The following LIN7A variants were observed in gnomAD, a reference collection of about 807,000 sequenced individuals.
The protein encoded by LIN7A is protein lin-7 homolog A.
LIN7A carries 25 observed loss-of-function variants against 29.8 expected under a neutral mutation model. That is an observed-to-expected ratio of 0.84 (90% CI 0.61 to 1.17). The LOEUF (loss-of-function observed/expected upper bound fraction) is 1.17, where lower values mean the gene tolerates loss of function less well. LIN7A is among the 50% of genes most tolerant of loss of function. LIN7A has a pLI of 0.00. For synonymous variants in LIN7A, 118 were observed against 107.5 expected, an observed-to-expected ratio of 1.10 and a Z score of -0.60; for missense variants, 239 against 287.0, an observed-to-expected ratio of 0.83 and a Z score of 1.21.
At chr12:80,907,776 GAGT>G (rs897214927) in intron 1 of LIN7A, among the ~76,000 whole-genome samples, 1 of 152,108 alleles carries the variant, frequency 6.6e-6, no homozygotes, top group Non-Finnish European at 1.5e-5. Flanking sequence ...AATGCTTAAA[GAGT>G]AGGAAGAAAT....
chr12:80,905,507 T>C (rs762399060), intron 1 of LIN7A, among the ~76,000 whole-genome samples: 1 of 152,200 alleles, frequency 6.6e-6, no homozygotes, highest in South Asian at 2.1e-4. Context: ...ATAATATATA[T>C]GCTAAAGCTT....
intron 1 of LIN7A, 88 bp downstream of exon 1, chr12:80,937,553 C>A: frequency 1.1e-6 from 1 of 944,958 alleles, no homozygotes; most frequent in Non-Finnish European, 1.5e-6. Flanking sequence ...TGCCTGAGCG[C>A]GTCCCATGTC....
At chr12:80,896,649 T>C (rs544465337) in intron 1 of LIN7A, among the ~76,000 whole-genome samples, 4 of 152,340 alleles carry the variant, frequency 2.6e-5, no homozygotes, top group African/African-American at 9.6e-5. Context: ...TCAAGTTAAA[T>C]GTGTTCAAAT....
chr12:80,890,734 T>C (rs1021488266), intron 1 of LIN7A, among the ~76,000 whole-genome samples: 55 of 152,200 alleles, frequency 3.6e-4, no homozygotes, highest in African/African-American at 1.2e-3. Flanking sequence ...AAACAGGAAG[T>C]CTACATAGTC....
At chr12:80,811,951 A>G (rs1421326502) in intron 4 of LIN7A, among the ~76,000 whole-genome samples, 2 of 152,196 alleles carry the variant, frequency 1.3e-5, no homozygotes, top group Non-Finnish European at 1.5e-5. Flanking sequence ...TAATGCTAAC[A>G]TTAGGAATGA....
chr12:80,799,378 C>T (rs367906104), intron 5 of LIN7A, among the ~76,000 whole-genome samples: 1 of 152,138 alleles, frequency 6.6e-6, no homozygotes, highest in Non-Finnish European at 1.5e-5. Flanking sequence ...AGTGCCTCCT[C>T]GTCCACTAAA....
chr12:80,836,805 C>T (rs368549526), intron 4 of LIN7A, among the ~76,000 whole-genome samples: 8 of 151,994 alleles, frequency 5.3e-5, no homozygotes, highest in Non-Finnish European at 7.4e-5. Flanking sequence ...AGTATTAATT[C>T]GTGTTCTTTG....
At position 80,899,832 on chromosome 12, in the gene LIN7A, G is replaced by A. The variant is rs1415134391; in HGVS notation, c.83-10463C>T. Among the ~76,000 whole-genome samples, 4 of 141,388 alleles carry A rather than the reference G, an allele frequency of 2.8e-5. No homozygotes were observed. In the East Asian group the frequency reaches 6.2e-4, roughly 22 times the overall value. The allele number at this position is 141,388 out of a possible 152,430, so 92.8% of individuals were successfully genotyped here. On this transcript the variant is annotated intron_variant, in intron 1 of 5. Transcript: ENST00000552864. ...TGCCCAGGCTGGAGTGCAGTGGCGC[G>A]ATCTCCACTCACTGCAAGCTCCGCC...
chr12:80,889,123 G>A (rs762585407), intron 2 of LIN7A, 128 bp downstream of exon 2: 3 of 680,856 alleles, frequency 4.4e-6, no homozygotes, highest in Non-Finnish European at 7.9e-6. Flanking sequence ...ATCTGTCCAA[G>A]TAGCTAAAAA....
chr12:80,934,213 C>T (rs557153052), intron 1 of LIN7A, among the ~76,000 whole-genome samples: 15 of 152,134 alleles, frequency 9.9e-5, no homozygotes, highest in African/African-American at 3.6e-4. Context: ...TTCTAATTAC[C>T]ACAAAAAGTA....
chr12:80,807,082 T>TTTTGTTTTGTTTTG lies in LIN7A; in HGVS notation c.*4382_*4383insCAAAACAAAACAAA, dbSNP rs1565883915. On this transcript the variant is annotated intron_variant, in intron 5 of 5. Transcript: ENST00000552864. ...GATGGAGTTTTTTTTTTTTTTTTTTTTTTTTTTTTGACGGAGTCTCGCTCT... is the reference window on the plus strand; with the variant it reads ...GATGGAGTTTTTTTTTTTTTTTTTTTTTTGTTTTGTTTTGTTTTTTTTTGACGGAGTCTCGCTCT... Among the ~76,000 whole-genome samples, 10 of 134,634 alleles carry TTTTGTTTTGTTTTG rather than the reference T, an allele frequency of 7.4e-5. No homozygotes were observed. The East Asian group carries it at 1.5e-3, about 20-fold the overall frequency. 88.3% of individuals were successfully genotyped at this position (134,634 alleles called of 152,430 possible). A position where few individuals can be genotyped will look rare whatever the true frequency, so the allele number is the denominator to read the frequency against.
intron 4 of LIN7A, among the ~76,000 whole-genome samples, chr12:80,817,025 C>T (rs959171931): frequency 2.6e-5 from 4 of 152,318 alleles, no homozygotes; most frequent in East Asian, 1.9e-4. Context: ...GCTTCAGCCT[C>T]GCAAAGTGCT....
In LIN7A at chr12:80,797,334, T is replaced by A. The variant is rs1166592497; in HGVS notation, c.*393A>T. On this transcript the variant is annotated 3_prime_UTR_variant, in exon 6 of 6. Transcript: ENST00000552864. The stretch of plus-strand genomic sequence containing the variant: ...CTTTGAACTGATGCAGTTTGAATTA[T>A]AGCCTAATGAGGGGTTTGCTAATAT... 1 of 152,634 alleles carries A rather than the reference T, an allele frequency of 6.6e-6. No homozygotes were observed. The allele number at this position is 152,634 out of a possible 1,614,324, so 9.5% of individuals were successfully genotyped here.
At chr12:80,905,282 C>G (rs995669087) in intron 1 of LIN7A, among the ~76,000 whole-genome samples, 1 of 152,018 alleles carries the variant, frequency 6.6e-6, no homozygotes, top group Non-Finnish European at 1.5e-5. Flanking sequence ...CTCCGCCTCC[C>G]ACGTTCAAGC....
chr12:80,891,066 T>C (rs144982338), intron 1 of LIN7A, among the ~76,000 whole-genome samples: 10 of 152,260 alleles, frequency 6.6e-5, no homozygotes, highest in Admixed American at 3.3e-4. Context: ...ATGGTGTTTT[T>C]CACACTCCCC....
chr12:80,912,165 A>T (rs1044696791), intron 1 of LIN7A, among the ~76,000 whole-genome samples: 1 of 152,206 alleles, frequency 6.6e-6, no homozygotes, highest in South Asian at 2.1e-4. Flanking sequence ...GGGCAGCCTT[A>T]CTATCTTTAT....
chr12:80,915,788 A>T (rs1224347039), intron 1 of LIN7A, among the ~76,000 whole-genome samples: 1 of 152,220 alleles, frequency 6.6e-6, no homozygotes, highest in Non-Finnish European at 1.5e-5. Flanking sequence ...CAGAAAACAA[A>T]ATACCACACG....
rs760389788 is a variant in LIN7A, at chr12:80,899,765, C to CTTTTTTTTTTTTTTTT, written c.83-10397_83-10396insAAAAAAAAAAAAAAAA. The stretch of plus-strand genomic sequence containing the variant: ...CATTTCCTCTAGGTTTTCTTTTTTT[C>CTTTTTTTTTTTTTTTT]TTTTCTTTTTTTTTTTTTTTTGAGA... On this transcript the variant is annotated intron_variant, in intron 1 of 5. Coordinates refer to ENST00000552864, the MANE Select transcript of LIN7A (RefSeq NM_004664.4). Among the ~76,000 whole-genome samples the CTTTTTTTTTTTTTTTT allele has an allele frequency of 1.2e-4, 13 of 109,990 alleles. 2 individuals are homozygous for CTTTTTTTTTTTTTTTT. Among genetic ancestry groups the CTTTTTTTTTTTTTTTT allele is most frequent in the Admixed American group, 2.1e-4 (2 of 9,610 alleles). 72.2% of individuals were successfully genotyped at this position (109,990 alleles called of 152,430 possible). A position where few individuals can be genotyped will look rare whatever the true frequency, so the allele number is the denominator to read the frequency against.
intron 2 of LIN7A, among the ~76,000 whole-genome samples, chr12:80,878,876 A>G (rs1435560437): frequency 6.6e-6 from 1 of 152,140 alleles, no homozygotes; most frequent in Non-Finnish European, 1.5e-5. Context: ...GTGTTTTACA[A>G]TCCTAGCTAC....
Sources: allele counts gnomAD v4.1 joint callset (sites outside exome capture counted in the v4.1 genomes callset), GRCh38; gene constraint gnomAD v4.1.1; transcripts MANE v1.5; gene names NCBI Gene and HGNC (gene_info 2026-07-23, HGNC 2026-07-21).